The following HSPA12A variants were observed in gnomAD, a reference collection of about 807,000 sequenced individuals.
HSPA12A encodes the protein heat shock protein family A (Hsp70) member 12A, also known as heat shock 70 kDa protein 12A.
HSPA12A carries 28 observed loss-of-function variants against 69.2 expected under a neutral mutation model. That is an observed-to-expected ratio of 0.40 (90% confidence interval 0.30 to 0.55). The LOEUF (loss-of-function observed/expected upper bound fraction) is 0.55, where lower values mean the gene tolerates loss of function less well. Among genes scored for constraint, HSPA12A ranks in the 20% least tolerant of loss-of-function variants. The pLI, the probability that HSPA12A is intolerant of heterozygous loss-of-function variation, is 0.38. For missense variants in HSPA12A, 686 were observed against 900.7 expected (o/e 0.76, Z 3.05); for synonymous variants, 345 against 370.5 (o/e 0.93, Z 0.79).
intron 1 of HSPA12A, among the ~76,000 whole-genome samples, chr10:116,843,789 G>A (rs1257493757): frequency 6.6e-6 from 1 of 152,158 alleles, no homozygotes; most frequent in African/African-American, 2.4e-5. Context: ...CCACCCTCTG[G>A]AGATTCCCAT....
chr10:116,728,909 C>T (rs1236738221), intron 1 of HSPA12A, among the ~76,000 whole-genome samples: 1 of 152,338 alleles, frequency 6.6e-6, no homozygotes, highest in Middle Eastern at 3.4e-3. Context: ...TCAAACCACC[C>T]CCTCCAGGGG....
chr10:116,738,258 A>G (rs2921977), intron 1 of HSPA12A, among the ~76,000 whole-genome samples: 147,427 of 152,286 alleles, frequency 0.97, 71,560 homozygotes, highest in East Asian at 1. Flanking sequence ...TTCCAGGAGC[A>G]CCACTGCGGA....
intron 1 of HSPA12A, among the ~76,000 whole-genome samples, chr10:116,738,353 T>A (rs1851376923): frequency 6.6e-6 from 1 of 152,204 alleles, no homozygotes; most frequent in African/African-American, 2.4e-5. Context: ...AAGACATTTA[T>A]TGAACACCTA....
intron 2 of HSPA12A, among the ~76,000 whole-genome samples, chr10:116,818,931 G>A (rs1172388068): frequency 1.3e-5 from 2 of 152,084 alleles, no homozygotes; most frequent in Non-Finnish European, 1.5e-5. Context: ...CTGCTTCCAG[G>A]CTTGTACCTT....
chr10:116,807,649 G>C (rs1845094224), intron 2 of HSPA12A, among the ~76,000 whole-genome samples: 1 of 152,188 alleles, frequency 6.6e-6, no homozygotes, highest in Non-Finnish European at 1.5e-5. Flanking sequence ...TAAGGGTTCT[G>C]GGGTGTCTGC....
At chr10:116,805,160 C>CA (rs1259821349) in intron 2 of HSPA12A, among the ~76,000 whole-genome samples, 6 of 151,750 alleles carry the variant, frequency 4.0e-5, no homozygotes, top group African/African-American at 2.4e-5. Context: ...ACTAAAAATA[C>CA]AAAAAATTAG....
At chr10:116,698,912 C>G (rs1003548337) in intron 4 of HSPA12A, among the ~76,000 whole-genome samples, 173 bp from the exon 5 acceptor site, 6 of 152,120 alleles carry the variant, frequency 3.9e-5, no homozygotes, top group Non-Finnish European at 7.4e-5. Flanking sequence ...GGGCTGGCAG[C>G]AGTGTCCCCT....
At chr10:116,713,011 T>TATATATATATATATATATATATATATC (rs1554883335) in intron 1 of HSPA12A, among the ~76,000 whole-genome samples, 1 of 131,120 alleles carries the variant, frequency 7.6e-6, no homozygotes, top group East Asian at 2.6e-4. Flanking sequence ...TATATATATA[T>TATATATATATATATATATATATATATC]TTGCATTTCT....
intron 6 of HSPA12A, among the ~76,000 whole-genome samples, chr10:116,688,320 T>C (rs1849637024): frequency 6.6e-6 from 1 of 152,206 alleles, no homozygotes; most frequent in Non-Finnish European, 1.5e-5. Flanking sequence ...GGATTCTACA[T>C]ACAGGAAGTA....
intron 4 of HSPA12A, among the ~76,000 whole-genome samples, chr10:116,699,749 T>A (rs1420870871): frequency 6.6e-6 from 1 of 152,110 alleles, no homozygotes; most frequent in Non-Finnish European, 1.5e-5. Flanking sequence ...TGGCTCTGAA[T>A]TGAAAAAAAT....
intron 2 of HSPA12A, among the ~76,000 whole-genome samples, chr10:116,758,338 T>C (rs1240945563): frequency 2.0e-5 from 3 of 152,198 alleles, no homozygotes; most frequent in African/African-American, 7.2e-5. Flanking sequence ...CTGTGACTTC[T>C]GATTGCCGTT....
intron 2 of HSPA12A, among the ~76,000 whole-genome samples, chr10:116,815,327 A>T (rs1845281870): frequency 6.6e-6 from 1 of 151,662 alleles, no homozygotes; most frequent in African/African-American, 2.4e-5. Context: ...ACACTTTGGG[A>T]GGCCAAGACA....
At chr10:116,763,077 GGTCACCTCTA>G (rs1220648571) in intron 2 of HSPA12A, among the ~76,000 whole-genome samples, 29 of 152,146 alleles carry the variant, frequency 1.9e-4, no homozygotes, top group African/African-American at 7.0e-4. Flanking sequence ...GCTACATCAT[GGTCACCTCTA>G]GCACAGCTCC....
At chr10:116,746,617 A>G (rs1471895607), upstream of HSPA12A, among the ~76,000 whole-genome samples, 1 of 152,222 alleles carries the variant, frequency 6.6e-6, no homozygotes, top group Non-Finnish European at 1.5e-5. Context: ...TAGGTATCAT[A>G]ATTATAAGAG....
In HSPA12A at chr10:116,787,215, T is replaced by C. The variant is rs2133146496; in HGVS notation, c.91+47720A>G. Among the ~76,000 whole-genome samples the C allele has an allele frequency of 3.3e-5, 5 of 151,978 alleles. 1 individual carries two copies. The South Asian group carries it at 1.0e-3, about 32-fold the overall frequency. ...GTGGGAGTGCGGCCTGGTTTAAAAG[T>C]CCTTTGCAGAGCAATCTGGAAATAC... is the stretch of plus-strand genomic sequence containing the variant. On this transcript the variant is annotated intron_variant, in intron 2 of 12. Coordinates refer to the HSPA12A transcript ENST00000635765.
intron 2 of HSPA12A, among the ~76,000 whole-genome samples, chr10:116,816,737 C>T (rs757334691): frequency 1.6e-4 from 24 of 152,314 alleles, no homozygotes; most frequent in Non-Finnish European, 3.2e-4. Context: ...TGACAAAAGT[C>T]TTCCTAATGA....
chr10:116,765,482 A>G (rs1844055833), intron 2 of HSPA12A, among the ~76,000 whole-genome samples: 1 of 152,188 alleles, frequency 6.6e-6, no homozygotes, highest in Non-Finnish European at 1.5e-5. Context: ...AAAAGGAATA[A>G]TGGTAGTAAT....
At chr10:116,733,735 C>T (rs548510082) in intron 1 of HSPA12A, among the ~76,000 whole-genome samples, 4 of 152,300 alleles carry the variant, frequency 2.6e-5, no homozygotes, top group African/African-American at 7.2e-5. Flanking sequence ...GTAGGCTCTT[C>T]CTATTGGCTG....
intron 2 of HSPA12A, among the ~76,000 whole-genome samples, chr10:116,782,925 C>A (rs1295476925): frequency 6.6e-6 from 1 of 152,146 alleles, no homozygotes; most frequent in Admixed American, 6.5e-5. Flanking sequence ...CACAGGGTCA[C>A]CCTCACGGAG....
Sources: gnomAD v4.1 joint callset for allele counts (sites outside exome capture counted in the v4.1 genomes callset) on GRCh38, gnomAD v4.1.1 for gene constraint, MANE v1.5 for transcripts, NCBI Gene and HGNC (gene_info 2026-07-23, HGNC 2026-07-21) for gene names.